NACC2: variants seen among roughly 807,000 people sequenced by gnomAD.
NACC2 encodes NACC family member 2.
In NACC2, 8 loss-of-function variants were observed where a neutral mutation model predicts 25.1. The observed-to-expected ratio is 0.32, with a 90% CI of 0.19 to 0.57. NACC2 has a LOEUF of 0.57. Among genes scored for constraint, NACC2 ranks in the 20% least tolerant of loss-of-function variants. The pLI is 0.89. For missense variants in NACC2, 644 were observed against 650.2 expected (o/e 0.99, Z 0.10); for synonymous variants, 435 against 294.7 (o/e 1.48, Z -4.88).
chr9:136,058,838 A>C (rs1840967866), intron 1 of NACC2, among the ~76,000 whole-genome samples: 1 of 152,234 alleles, frequency 6.6e-6, no homozygotes. Flanking sequence ...GGGATTGGAC[A>C]AAAGTCCTTG....
At chr9:136,093,893 C>T (rs1198072019) in intron 1 of NACC2, among the ~76,000 whole-genome samples, 1 of 152,184 alleles carries the variant, frequency 6.6e-6, no homozygotes, top group Non-Finnish European at 1.5e-5. Context: ...CAGGCTAAAA[C>T]ACCCTGCAGA....
chr9:136,012,655 T>G (rs1840128926), intron 5 of NACC2, among the ~76,000 whole-genome samples: 1 of 50,292 alleles, frequency 2.0e-5, no homozygotes, highest in Admixed American at 1.8e-4. Flanking sequence ...TCACAAGGTT[T>G]TTTTTTTTTT....
chr9:136,094,243 G>A (rs931011716), intron 1 of NACC2, among the ~76,000 whole-genome samples: 2 of 152,212 alleles, frequency 1.3e-5, no homozygotes, highest in African/African-American at 2.4e-5. Context: ...GAGGCCCCGC[G>A]CGGGGGTTGG....
chr9:136,042,921 AACAGACACACACAGAGACAG>A (rs1229394108), intron 2 of NACC2, among the ~76,000 whole-genome samples: 9 of 141,860 alleles, frequency 6.3e-5, no homozygotes, highest in African/African-American at 2.1e-4. Context: ...CACAGAGACA[AACAGACACACACAGAGACAG>A]ACAGACACAC....
At chr9:136,074,492 C>T (rs1179250637) in intron 1 of NACC2, among the ~76,000 whole-genome samples, 1 of 119,314 alleles carries the variant, frequency 8.4e-6, no homozygotes, top group Admixed American at 9.4e-5. Flanking sequence ...AAACAAAGTT[C>T]TTCATTCCAG....
intron 2 of NACC2, among the ~76,000 whole-genome samples, chr9:136,033,150 G>A (rs1367213517): frequency 2.0e-5 from 3 of 151,684 alleles, no homozygotes; most frequent in Non-Finnish European, 2.9e-5. Context: ...CACTCCAGCC[G>A]GGGCAACAGA....
intron 1 of NACC2, among the ~76,000 whole-genome samples, chr9:136,085,713 A>G (rs1207893484): frequency 6.6e-6 from 1 of 152,234 alleles, no homozygotes; most frequent in Non-Finnish European, 1.5e-5. Flanking sequence ...TCGTTCGGGA[A>G]AATGTTCTTT....
chr9:136,057,426 G>A (rs1319947139), intron 1 of NACC2, among the ~76,000 whole-genome samples: 1 of 152,180 alleles, frequency 6.6e-6, no homozygotes, highest in Non-Finnish European at 1.5e-5. Flanking sequence ...TCCGCCCTAT[G>A]GCCCCACCCC....
At chr9:136,076,260 G>T (rs1198737115) in intron 1 of NACC2, among the ~76,000 whole-genome samples, 1 of 152,152 alleles carries the variant, frequency 6.6e-6, no homozygotes, top group Non-Finnish European at 1.5e-5. Context: ...TCGAAGAAGT[G>T]CTGTAACTAA....
At position 136,050,017 on chromosome 9, in the gene NACC2, G is replaced by A; in HGVS notation, c.505C>T (p.Leu169=). Residue 169 remains leucine, a synonymous_variant, in exon 2 of 6, where the codon CTG becomes TTG. Coordinates refer to ENST00000277554, the MANE Select transcript of NACC2 (RefSeq NM_144653.5). Reference sequence around the variant, plus strand: ...GCTTCATGCTTTACTCGGGTCAGCAGCGGGATGGGCACCGAGGGGGACACG... The same window carrying A: ...GCTTCATGCTTTACTCGGGTCAGCAACGGGATGGGCACCGAGGGGGACACG... ...YVVSPSVPIP[L]LTRVKHEAME... The A allele has an allele frequency of 1.4e-6, 1 of 693,602 alleles. No homozygotes were observed. Among genetic ancestry groups the A allele is most frequent in the East Asian group, 2.5e-5 (1 of 40,112 alleles). 43.0% of individuals were successfully genotyped at this position (693,602 alleles called of 1,614,324 possible). A position where few individuals can be genotyped will look rare whatever the true frequency, so the allele number is the denominator to read the frequency against.
At chr9:136,085,978 G>A (rs2131189423) in intron 1 of NACC2, among the ~76,000 whole-genome samples, 1 of 152,260 alleles carries the variant, frequency 6.6e-6, no homozygotes, top group African/African-American at 2.4e-5. Context: ...GATGGGAGGG[G>A]TTGGCAGAGC....
chr9:136,029,287 TCTCCTCTC>T (rs1308077826), intron 2 of NACC2, among the ~76,000 whole-genome samples: 1 of 151,918 alleles, frequency 6.6e-6, no homozygotes, highest in African/African-American at 2.4e-5. Flanking sequence ...CCACTGTGGG[TCTCCTCTC>T]AGCTGAGAGC....
intron 1 of NACC2, among the ~76,000 whole-genome samples, chr9:136,052,928 A>AC (rs1564232332): frequency 1.6e-3 from 243 of 152,090 alleles, no homozygotes; most frequent in Non-Finnish European, 2.5e-3. Context: ...GGCTCATACC[A>AC]GCCTCTCTGC....
intron 5 of NACC2, among the ~76,000 whole-genome samples, chr9:136,012,651 G>A (rs909663119): frequency 1.5e-5 from 2 of 132,358 alleles, no homozygotes; most frequent in Non-Finnish European, 3.1e-5. Context: ...TGCCTCACAA[G>A]GTTTTTTTTT....
At position 136,011,473 on chromosome 9, in the gene NACC2, G is replaced by GCAGCTC; in HGVS notation, c.*37_*42dup. On this transcript the variant is annotated 3_prime_UTR_variant, in exon 6 of 6. Transcript: ENST00000277554. ...TTGTTTGTATTAGTAACGCATGCAA[G>GCAGCTC]CAGCTCTAGTACTCGGTCCCTCGCG... 7.5e-7 allele frequency: 1 copy of GCAGCTC among 1,328,864 alleles called. No homozygotes were observed. The highest frequency in any genetic ancestry group is 9.6e-7 in the Non-Finnish European group (1 of 1,040,398). 82.3% of individuals were successfully genotyped at this position (1,328,864 alleles called of 1,614,324 possible). A position where few individuals can be genotyped will look rare whatever the true frequency, so the allele number is the denominator to read the frequency against.
rs973403049 is a variant in NACC2, at chr9:136,041,453, G to A, written c.886+8183C>T. ...AAAAAGAAATAAAGAAAAAAATGAAGCATTGACCTATTCTTCAACATGGGT... is the reference window on the plus strand; with the variant it reads ...AAAAAGAAATAAAGAAAAAAATGAAACATTGACCTATTCTTCAACATGGGT... On this transcript the variant is annotated intron_variant, in intron 2 of 5. Coordinates refer to ENST00000277554, the MANE Select transcript of NACC2 (RefSeq NM_144653.5). Among the ~76,000 whole-genome samples the A allele has an allele frequency of 1.3e-4, 19 of 151,876 alleles. No homozygotes were observed. The East Asian group carries it at 3.1e-3, about 25-fold the overall frequency.
At chr9:136,045,278 G>A (rs933918835) in intron 2 of NACC2, among the ~76,000 whole-genome samples, 57 of 116,270 alleles carry the variant, frequency 4.9e-4, no homozygotes, top group African/African-American at 1.5e-3. Context: ...AAGGGGAAGC[G>A]GACATGCACA....
rs1484034062 is a variant in NACC2 at position 136,085,884 on chromosome 9, C to T, written c.-60+9305G>A. 2.0e-5 allele frequency among the ~76,000 whole-genome samples: 3 copies of T among 152,264 alleles called. No individual in the cohort carries two copies. In the East Asian group the frequency reaches 5.8e-4, roughly 29 times the overall value. The stretch of plus-strand genomic sequence containing the variant: ...CTGTGGAAACAAGGGGTTGGCAGAG[C>T]CCAGAGGCCGGGCGCCGTGCAGGGC... On this transcript the variant is annotated intron_variant, in intron 1 of 5. Transcript: ENST00000277554.
rs1164577875 is a variant in NACC2 at position 136,084,890 on chromosome 9, G to A, written c.-60+10299C>T. Among the ~76,000 whole-genome samples the A allele has an allele frequency of 3.3e-5, 5 of 152,222 alleles. No homozygotes were observed. The highest frequency in any genetic ancestry group is 3.3e-4 in the Admixed American group (5 of 15,288). ...ATGCAGTCCCGGAAGCAGGCCTACAGAGACAGGAAGTAGAAAGGTGCCTGC... is the reference window on the plus strand; with the variant it reads ...ATGCAGTCCCGGAAGCAGGCCTACAAAGACAGGAAGTAGAAAGGTGCCTGC... On this transcript the variant is annotated intron_variant, in intron 1 of 5. Transcript: ENST00000277554. The surrounding 1 kb of genome is among the most constrained non-coding windows in gnomAD (Gnocchi z 5.1).
Sources: gnomAD v4.1 joint callset for allele counts (sites outside exome capture counted in the v4.1 genomes callset) on GRCh38, gnomAD v4.1.1 for gene constraint, Gnocchi (gnomAD v3.1) non-coding constraint, MANE v1.5 for transcripts, NCBI Gene and HGNC (gene_info 2026-07-23, HGNC 2026-07-21) for gene names.